Variants in TUBGCP6 observed in about 807,000 individuals in gnomAD.
The protein encoded by TUBGCP6 is gamma-tubulin complex component 6.
A neutral mutation model predicts 175.8 loss-of-function variants in TUBGCP6; 161 were observed. The ratio of observed to expected loss-of-function variants is 0.92; its 90% confidence interval spans 0.81 to 1.04. The LOEUF is 1.04. TUBGCP6 is among the 50% of genes least tolerant of loss of function. TUBGCP6 has a pLI of 0.00. For synonymous variants in TUBGCP6, 1,173 were observed against 1,030.5 expected (o/e 1.14, Z -2.65); for missense variants, 2,572 against 2,433.0 (o/e 1.06, Z -1.20).
chr22:50,231,870 A>AG (rs1018636107), intron 3 of TUBGCP6, among the ~76,000 whole-genome samples: 4 of 151,418 alleles, frequency 2.6e-5, no homozygotes, highest in Non-Finnish European at 4.4e-5. Flanking sequence ...AAAAAAAAAA[A>AG]AAAAGAAAAG....
At chr22:50,229,163 TCCTACACACCCCAGGG>T (rs1251419054) in intron 4 of TUBGCP6, among the ~76,000 whole-genome samples, 1 of 152,050 alleles carries the variant, frequency 6.6e-6, no homozygotes, top group East Asian at 1.9e-4. Context: ...TGCACCTGCC[TCCTACACACCCCAGGG>T]CCCACACAGC....
In TUBGCP6 at chr22:50,244,672, C is replaced by T. The variant is rs2064896840; in HGVS notation, c.-213G>A. On this transcript the variant is annotated 5_prime_UTR_variant, in exon 1 of 25. The change creates a new upstream start codon in the 5' untranslated region. Coordinates refer to ENST00000248846, the MANE Select transcript of TUBGCP6 (RefSeq NM_020461.4). ...CGCCCTGCCCTCCCCAGTCCAAGCACGCTGCCCGGCGCCCGGCAGCCCACC... is the reference window on the plus strand; with the variant it reads ...CGCCCTGCCCTCCCCAGTCCAAGCATGCTGCCCGGCGCCCGGCAGCCCACC... 1 of 720,242 alleles carries T rather than the reference C, an allele frequency of 1.4e-6. No individual in the cohort carries two copies. The highest frequency in any genetic ancestry group is 2.1e-6 in the Non-Finnish European group (1 of 469,596). The allele number at this position is 720,242 out of a possible 1,614,324, so 44.6% of individuals were successfully genotyped here.
chr22:50,226,517 G>T, intron 7 of TUBGCP6, 139 bp from the exon 8 acceptor site: 10 of 699,856 alleles, frequency 1.4e-5, no homozygotes, highest in Non-Finnish European at 2.4e-5. Flanking sequence ...GGAGTGGGGT[G>T]TGGCCATCCA....
intron 2 of TUBGCP6, among the ~76,000 whole-genome samples, chr22:50,234,313 TCATCCACACCCCTGTCCACAGCAG>T (rs1466880107): frequency 0.49 from 12,237 of 24,904 alleles, 3,064 homozygotes; most frequent in South Asian, 0.59. Context: ...CATGGCAGCA[TCATCCACACCCCTGTCCACAGCAG>T]CATCCACACC....
At chr22:50,230,315 T>G (rs190257605) in intron 3 of TUBGCP6, among the ~76,000 whole-genome samples, 87 of 151,110 alleles carry the variant, frequency 5.8e-4, no homozygotes, top group South Asian at 6.3e-4. Context: ...TAAAAAAATT[T>G]TAAAAGTTAG....
At position 50,219,236 on chromosome 22, in the gene TUBGCP6, C is replaced by T. The variant is rs1444551447; in HGVS notation, c.4485-27G>A. ...TGGCAGGAGGGAGCTGGAGTCAGGG[C>T]GGGCCAGGACGGGCTGGGTGGGCAG... On this transcript the variant is annotated intron_variant, in intron 19 of 24. Coordinates refer to ENST00000248846, the MANE Select transcript of TUBGCP6 (RefSeq NM_020461.4). 9 of 1,609,108 alleles carry T rather than the reference C, an allele frequency of 5.6e-6. No individual in the cohort carries two copies. The East Asian group carries it at 1.6e-4, about 28-fold the overall frequency.
intron 24 of TUBGCP6, 33 bp downstream of exon 24, chr22:50,217,885 C>T: frequency 6.2e-7 from 1 of 1,605,240 alleles, no homozygotes; most frequent in Non-Finnish European, 8.5e-7. Context: ...GCCCTGGCCC[C>T]CCCGCAGCCC....
rs763968805 is a variant in TUBGCP6, at chr22:50,243,942, C to T, written c.518G>A (p.Ser173Asn). The T allele has an allele frequency of 6.2e-7, 1 of 1,614,144 alleles. No individual in the cohort carries two copies. Among genetic ancestry groups the T allele is most frequent in the Non-Finnish European group, 8.5e-7 (1 of 1,180,046 alleles). The stretch of plus-strand genomic sequence containing the variant: ...AACCTGAAGTGTTTCCTGGATCATG[C>T]TGTGACACAAACACTCTTCTCTGGA... Reference protein sequence around the residue: ...LISREECLCHSMIQETLQVME... With the variant: ...LISREECLCHNMIQETLQVME... Residue 173 changes from serine to asparagine, a missense_variant, in exon 1 of 25, where the codon AGC becomes AAC. Coordinates refer to ENST00000248846, the MANE Select transcript of TUBGCP6 (RefSeq NM_020461.4).
In TUBGCP6 at chr22:50,241,663, CCT is replaced by C. The variant is rs966040071; in HGVS notation, c.742-1298_742-1297del. Among the ~76,000 whole-genome samples the C allele has an allele frequency of 7.2e-5, 11 of 152,248 alleles. No individual in the cohort carries two copies. In the East Asian group the frequency reaches 2.1e-3, roughly 29 times the overall value. ...GCAGAAATAATGGTGTAAGCTGTCT[CCT>C]CTCTCTCTGCTTCGGCTGCCAAACA... On this transcript the variant is annotated intron_variant, in intron 1 of 24. Transcript: ENST00000248846.
In TUBGCP6 at chr22:50,218,560, A is replaced by C. The variant is rs201821366; in HGVS notation, c.4882T>G (p.Phe1628Val). 4 of 1,613,658 alleles carry C rather than the reference A, an allele frequency of 2.5e-6. No homozygotes were observed. The highest frequency in any genetic ancestry group is 1.7e-5 in the Admixed American group (1 of 60,000). ...EGCVSKYSGV[F>V]SFLLQLKLMM... is the part of the protein sequence containing the mutation. The stretch of plus-strand genomic sequence containing the variant: ...AGCTTCAGCTGCAGCAGGAAGGAGA[A>C]GACGCCGCTGTACTTGCTCACGCAG... The change falls in exon 22 of 25, where the codon TTC becomes GTC. Residue 1628 changes from phenylalanine to valine, a missense_variant. Transcript: ENST00000248846.
chr22:50,233,301 G>C lies in TUBGCP6; in HGVS notation c.1116+15C>G. On this transcript the variant is annotated intron_variant, in intron 3 of 24. Coordinates refer to ENST00000248846, the MANE Select transcript of TUBGCP6 (RefSeq NM_020461.4). ...CAGCCCCACACCACTGTGGCGGGGAGTGAGCAGTTCTCACCTGGCAGAGCG... is the reference window on the plus strand; with the variant it reads ...CAGCCCCACACCACTGTGGCGGGGACTGAGCAGTTCTCACCTGGCAGAGCG... 2 of 1,605,278 alleles carry C rather than the reference G, an allele frequency of 1.2e-6. No individual in the cohort carries two copies. The highest frequency in any genetic ancestry group is 1.7e-6 in the Non-Finnish European group (2 of 1,174,764).
At chr22:50,232,779 G>C (rs2064710783) in intron 3 of TUBGCP6, among the ~76,000 whole-genome samples, 1 of 152,234 alleles carries the variant, frequency 6.6e-6, no homozygotes, top group African/African-American at 2.4e-5. Flanking sequence ...CAAAGGAAGG[G>C]GATGAGCACT....
intron 3 of TUBGCP6, among the ~76,000 whole-genome samples, chr22:50,231,719 C>A (rs76622574): frequency 0.022 from 3,397 of 151,332 alleles, 93 homozygotes; most frequent in East Asian, 0.13. Context: ...ATTAGACGGG[C>A]GCGGTGGCGG....
chr22:50,229,460 G>A lies in TUBGCP6; in HGVS notation c.1234C>T (p.His412Tyr). The change falls in exon 4 of 25, where the codon CAT becomes TAT. Residue 412 changes from histidine to tyrosine, a missense_variant. By Grantham distance (83) the His-to-Tyr change is moderately conservative (BLOSUM62 2). Coordinates refer to ENST00000248846, the MANE Select transcript of TUBGCP6 (RefSeq NM_020461.4). ...EYGTCYTRLS[H>Y]FSLQPVLDSL... ...TCCAGGACGGGCTGCAGAGAGAAAT[G>A]ACTCAGGCGCGTGTAGCAGGTCCCA... 6.2e-7 allele frequency: 1 copy of A among 1,613,424 alleles called. No homozygotes were observed. Among genetic ancestry groups the A allele is most frequent in the Non-Finnish European group, 8.5e-7 (1 of 1,179,888 alleles).
In TUBGCP6 at chr22:50,220,266, C is replaced by G. The variant is rs150838239; in HGVS notation, c.4093G>C (p.Val1365Leu). 1.0e-4 allele frequency: 160 copies of G among 1,560,120 alleles called. No individual in the cohort carries two copies. In the African/African-American group the frequency reaches 1.9e-3, roughly 18 times the overall value. Residue 1365 changes from valine (V) to leucine (L), a missense_variant, in exon 16 of 25, where the codon GTC (valine) becomes CTC (leucine). By Grantham distance (32) the Val-to-Leu change is conservative. Transcript: ENST00000248846. ...CTACTCTGACCTAGTTCTTCAGAGA[C>G]ACTGTCTCCCGGGGTGTTGGGCCAC... is the stretch of plus-strand genomic sequence containing the variant. ...PWWPNTPGDS[V>L]SEELGPGRSG...
Position 50,243,909 on chromosome 22 carries a change from G to A in TUBGCP6, c.551C>T (p.Ala184Val), listed in dbSNP as rs150345345. 1.9e-6 allele frequency: 3 copies of A among 1,614,002 alleles called. No individual in the cohort carries two copies. In the African/African-American group the frequency reaches 4.0e-5, roughly 22 times the overall value. Residue 184 changes from alanine to valine, a missense_variant, in exon 1 of 25, where the codon GCT becomes GTT. Ala to Val is a moderately conservative substitution (Grantham distance 64, BLOSUM62 0). Transcript: ENST00000248846. Reference protein sequence around the residue: ...MIQETLQVMEAAPGTGLPTVG... With the variant: ...MIQETLQVMEVAPGTGLPTVG... Reference sequence around the variant, plus strand: ...GGTGGGCAGGCCAGTGCCTGGAGCAGCCTCCATAACCTGAAGTGTTTCCTG... The same window carrying A: ...GGTGGGCAGGCCAGTGCCTGGAGCAACCTCCATAACCTGAAGTGTTTCCTG...
chr22:50,220,080 G>A, intron 16 of TUBGCP6, 65 bp from the exon 17 acceptor site: 1 of 1,568,238 alleles, frequency 6.4e-7, no homozygotes, highest in Non-Finnish European at 8.7e-7. Flanking sequence ...ACAGAGCCGA[G>A]CCGGCCCTGG....
Position 50,218,003 on chromosome 22 carries a change from G to A in TUBGCP6, c.5283C>T (p.Gly1761=). 2 of 1,611,950 alleles carry A rather than the reference G, an allele frequency of 1.2e-6. No homozygotes were observed. Among genetic ancestry groups the A allele is most frequent in the Non-Finnish European group, 8.5e-7 (1 of 1,179,298 alleles). ...LISQAWGPPG[G]PRGAEHPNFA... ...AGTTGGGGTGCTCTGCACCCCGCGG[G>A]CCCCCAGGGGGCCCCCAGGCCTGGG... The change falls in exon 24 of 25, where the codon GGC becomes GGT. Residue 1761 remains glycine, a synonymous_variant. Transcript: ENST00000248846.
rs778428813 is a variant in TUBGCP6 at position 50,218,037 on chromosome 22, T to G, written c.5249A>C (p.Gln1750Pro). Residue 1750 changes from glutamine (Q) to proline (P), a missense_variant, in exon 24 of 25, where the codon CAG becomes CCG. Physicochemically the swap from Gln to Pro is moderately conservative, Grantham distance 76. Coordinates refer to ENST00000248846, the MANE Select transcript of TUBGCP6 (RefSeq NM_020461.4). ...IFSLVLKFRS[Q>P]LISQAWGPPG... The stretch of plus-strand genomic sequence containing the variant: ...GGGCCCCCAGGCCTGGGAGATGAGC[T>G]GGCTGCGGAACTTGAGCACGAGGCT... 4 of 1,613,484 alleles carry G rather than the reference T, an allele frequency of 2.5e-6. No homozygotes were observed. The Admixed American group carries it at 5.0e-5, about 20-fold the overall frequency.
Sources: allele counts gnomAD v4.1 joint callset (sites outside exome capture counted in the v4.1 genomes callset), GRCh38; gene constraint gnomAD v4.1.1; transcripts MANE v1.5; gene names NCBI Gene and HGNC (gene_info 2026-07-23, HGNC 2026-07-21).